Variants in VPS33A observed in about 807,000 individuals in gnomAD.
VPS33A encodes vacuolar protein sorting-associated protein 33A.
A neutral mutation model predicts 71.8 loss-of-function variants in VPS33A; 32 were observed. The observed-to-expected ratio is 0.45, with a 90% CI of 0.34 to 0.60. VPS33A has a LOEUF of 0.60. Among genes scored for constraint, VPS33A ranks in the 20% least tolerant of loss-of-function variants. The pLI is 0.02. For synonymous variants in VPS33A, 311 were observed against 292.7 expected (o/e 1.06, Z -0.64); for missense variants, 625 against 748.5 (o/e 0.84, Z 1.92).
intron 3 of VPS33A, among the ~76,000 whole-genome samples, chr12:122,261,819 G>A (rs960487231): frequency 2.6e-5 from 4 of 151,766 alleles, no homozygotes; most frequent in South Asian, 2.1e-4. Flanking sequence ...TGGCCAACAC[G>A]AAGAAACCAC....
At chr12:122,260,969 C>T (rs866547025) in intron 4 of VPS33A, among the ~76,000 whole-genome samples, 18 of 152,194 alleles carry the variant, frequency 1.2e-4, no homozygotes, top group Admixed American at 2.6e-4. Context: ...AGCGAGACTC[C>T]GTCTCAAAAA....
Position 122,238,685 on chromosome 12 carries a change from A to G in VPS33A, c.1204T>C (p.Ser402Pro). The part of the protein sequence containing the change: ...YIEDCIAQKH[S>P]LIKVLRLVCL... ...ACTAGTCTTAACACCTTGATCAACGAGTGCTTTTGGGCGATACAATCCTCA... is the reference window on the plus strand; with the variant it reads ...ACTAGTCTTAACACCTTGATCAACGGGTGCTTTTGGGCGATACAATCCTCA... Residue 402 changes from serine (S) to proline (P), a missense_variant, in exon 10 of 13, where the codon TCG becomes CCG. By Grantham distance (74) the Ser-to-Pro change is moderately conservative (BLOSUM62 -1). Coordinates refer to ENST00000267199, the MANE Select transcript of VPS33A (RefSeq NM_022916.6). The G allele has an allele frequency of 6.2e-7, 1 of 1,613,842 alleles. No homozygotes were observed. Among genetic ancestry groups the G allele is most frequent in the Non-Finnish European group, 8.5e-7 (1 of 1,179,980 alleles).
intron 4 of VPS33A, chr12:122,252,905 T>C (rs1202297545): frequency 2.0e-5 from 3 of 152,212 alleles, no homozygotes; most frequent in African/African-American, 7.2e-5. Flanking sequence ...TTTAGGTTTT[T>C]TTACAACCAT....
In VPS33A at chr12:122,263,579, C is replaced by T. The variant is rs143335526; in HGVS notation, c.289G>A (p.Val97Met). ...LELMDIIAENVLSEDRRGPTR... is the reference protein window; with the variant it reads ...LELMDIIAENMLSEDRRGPTR... Reference sequence around the variant, plus strand: ...ACACAAGCTCTGAGATACCTGAGCACGTTTTCAGCGATTATATCCATCAAC... The same window carrying T: ...ACACAAGCTCTGAGATACCTGAGCATGTTTTCAGCGATTATATCCATCAAC... Residue 97 changes from valine (V) to methionine (M), a missense_variant, in exon 3 of 13, where the codon GTG (valine) becomes ATG (methionine). Val to Met is a conservative substitution (Grantham distance 21, BLOSUM62 1). Coordinates refer to ENST00000267199, the MANE Select transcript of VPS33A (RefSeq NM_022916.6). The T allele has an allele frequency of 7.5e-6, 12 of 1,605,308 alleles. No individual in the cohort carries two copies. The highest frequency in any genetic ancestry group is 6.6e-5 in the South Asian group (6 of 90,262).
rs759350785 is a variant in VPS33A at position 122,266,441 on chromosome 12, A to G, written c.-33T>C. The G allele has an allele frequency of 6.3e-7, 1 of 1,593,244 alleles. No homozygotes were observed. Among genetic ancestry groups the G allele is most frequent in the Non-Finnish European group, 8.6e-7 (1 of 1,164,842 alleles). ...CACCACCCCCTGCCCCACAACGCCA[A>G]CCGAGTCCGCCGGTTCCTACGGGAG... On this transcript the variant is annotated 5_prime_UTR_variant, in exon 1 of 13. Transcript: ENST00000267199.
chr12:122,265,750 A>C (rs530919314), intron 1 of VPS33A: 6 of 452,592 alleles, frequency 1.3e-5, no homozygotes, highest in South Asian at 9.3e-5. Flanking sequence ...GAGAGGTGAC[A>C]CTGTTTAAAA....
In VPS33A at chr12:122,253,550, CAA is replaced by C. The variant is rs35143468; in HGVS notation, c.484-2453_484-2452del. 5.8e-4 allele frequency: 48 copies of C among 83,248 alleles called. No homozygotes were observed. The Middle Eastern group carries it at 0.026, about 46-fold the overall frequency. 5.2% of individuals were successfully genotyped at this position (83,248 alleles called of 1,614,324 possible). On this transcript the variant is annotated intron_variant, in intron 4 of 12. Coordinates refer to ENST00000267199, the MANE Select transcript of VPS33A (RefSeq NM_022916.6). ...CCGGGGCAACAGAGCAAGACTGTCTCAAAAAAAAAAAAAAAAAAGACATTAAG... is the reference window on the plus strand; with the variant it reads ...CCGGGGCAACAGAGCAAGACTGTCTCAAAAAAAAAAAAAAAAGACATTAAG...
chr12:122,245,271 T>A (rs1017506714), intron 6 of VPS33A, among the ~76,000 whole-genome samples: 12 of 152,254 alleles, frequency 7.9e-5, no homozygotes, highest in Non-Finnish European at 1.0e-4. Context: ...ATTTTTTTTT[T>A]AAATAAAACT....
At chr12:122,261,536 C>T (rs1954995505) in intron 3 of VPS33A, 89 bp from the exon 4 acceptor site, 1 of 1,222,416 alleles carries the variant, frequency 8.2e-7, no homozygotes, top group South Asian at 1.3e-5. Context: ...TGGCACATAG[C>T]AGGCACTAAA....
At chr12:122,258,704 G>A (rs905362207) in intron 4 of VPS33A, among the ~76,000 whole-genome samples, 4 of 151,992 alleles carry the variant, frequency 2.6e-5, no homozygotes, top group Admixed American at 2.6e-4. Flanking sequence ...TAACAGGCCA[G>A]GCATGGTGGC....
chr12:122,235,548 G>A lies in VPS33A; in HGVS notation c.1440+238C>T, dbSNP rs61954363. On this transcript the variant is annotated intron_variant, in intron 11 of 12. Coordinates refer to ENST00000267199, the MANE Select transcript of VPS33A (RefSeq NM_022916.6). ...CAAAGTGCTGGGATTATAGGTGTGAGCCACCGCGCCCAGCCCACATCTTTA... is the reference window on the plus strand; with the variant it reads ...CAAAGTGCTGGGATTATAGGTGTGAACCACCGCGCCCAGCCCACATCTTTA... 0.083 allele frequency among the ~76,000 whole-genome samples: 12,606 copies of A among 152,176 alleles called. 658 individuals carry two copies. Among genetic ancestry groups the A allele is most frequent in the African/African-American group, 0.15 (6,134 of 41,498 alleles).
chr12:122,265,672 C>T (rs757204549), intron 1 of VPS33A: 20 of 449,908 alleles, frequency 4.4e-5, no homozygotes, highest in Non-Finnish European at 8.6e-5. Context: ...CTGAGGCTCC[C>T]CAGTTCGACT....
chr12:122,261,670 A>T (rs1327037249), intron 3 of VPS33A, among the ~76,000 whole-genome samples: 2 of 151,832 alleles, frequency 1.3e-5, no homozygotes, highest in Non-Finnish European at 2.9e-5. Flanking sequence ...GGAGTTCGAG[A>T]CCAGTCTGGT....
At chr12:122,262,754 T>C (rs554350544) in intron 3 of VPS33A, among the ~76,000 whole-genome samples, 60 of 152,174 alleles carry the variant, frequency 3.9e-4, no homozygotes, top group African/African-American at 1.4e-3. Context: ...TTTGGCTATC[T>C]TGAAAGAATG....
In VPS33A at chr12:122,235,830, T is replaced by G; in HGVS notation, c.1396A>C (p.Ile466Leu). Reference sequence around the variant, plus strand: ...ATCCAGAGGCGTAATGTTTTCCGTATAGTTGGGTAATTGTTTCTGCCCCCC... The same window carrying G: ...ATCCAGAGGCGTAATGTTTTCCGTAGAGTTGGGTAATTGTTTCTGCCCCCC... ...QTGGRNNYPTIRKTLRLWMDD... is the reference protein window; with the variant it reads ...QTGGRNNYPTLRKTLRLWMDD... The change falls in exon 11 of 13, where the codon ATA becomes CTA. Residue 466 changes from isoleucine to leucine, a missense_variant. Ile to Leu is a conservative substitution (Grantham distance 5). Coordinates refer to ENST00000267199, the MANE Select transcript of VPS33A (RefSeq NM_022916.6). 2.5e-6 allele frequency: 4 copies of G among 1,613,904 alleles called. No homozygotes were observed. The highest frequency in any genetic ancestry group is 3.4e-6 in the Non-Finnish European group (4 of 1,179,950).
At position 122,232,249 on chromosome 12, in the gene VPS33A, G is replaced by A. The variant is rs773854209; in HGVS notation, c.1788C>T (p.Phe596=). 6.2e-7 allele frequency: 1 copy of A among 1,610,514 alleles called. No homozygotes were observed. Among genetic ancestry groups the A allele is most frequent in the Admixed American group, 1.7e-5 (1 of 59,216 alleles). The change falls in exon 13 of 13, where the codon TTC becomes TTT. Residue 596 remains phenylalanine (F), a synonymous_variant. Transcript: ENST00000267199. ...SWIEALMEKP[F] is the part of the protein sequence containing the mutation. ...TGTTAAGTCTCCTCTGAACATCCTA[G>A]AAAGGTTTTTCCATCAGAGCCTCTA... is the stretch of plus-strand genomic sequence containing the variant.
At position 122,238,770 on chromosome 12, in the gene VPS33A, T is replaced by C. The variant is rs78328135; in HGVS notation, c.1165-46A>G. 2,286 of 872,700 alleles carry C rather than the reference T, an allele frequency of 2.6e-3. 28 individuals are homozygous for C. In the East Asian group the frequency reaches 0.038, roughly 14 times the overall value. The allele number at this position is 872,700 out of a possible 1,614,324, so 54.1% of individuals were successfully genotyped here. A position where few individuals can be genotyped will look rare whatever the true frequency, so the allele number is the denominator to read the frequency against. ...ATATACATATACATTTACATATACA[T>C]ACACACACACACACACACACACACA... On this transcript the variant is annotated intron_variant, in intron 9 of 12. Coordinates refer to ENST00000267199, the MANE Select transcript of VPS33A (RefSeq NM_022916.6).
At chr12:122,265,054 C>G (rs1189856441) in intron 1 of VPS33A, among the ~76,000 whole-genome samples, 2 of 150,324 alleles carry the variant, frequency 1.3e-5, no homozygotes, top group African/African-American at 4.9e-5. Context: ...TCTGGAGTAA[C>G]TGGGACTACA....
Position 122,250,990 on chromosome 12 carries a change from C to T in VPS33A, c.593G>A (p.Cys198Tyr), listed in dbSNP as rs1232694816. The T allele has an allele frequency of 6.8e-6, 11 of 1,613,546 alleles. No homozygotes were observed. In the South Asian group the frequency reaches 1.1e-4, roughly 16 times the overall value. The change falls in exon 5 of 13, where the codon TGC becomes TAC. Residue 198 changes from cysteine (C) to tyrosine (Y), a missense_variant. Physicochemically the swap from Cys to Tyr is radical, Grantham distance 194 (BLOSUM62 -2). Coordinates refer to ENST00000267199, the MANE Select transcript of VPS33A (RefSeq NM_022916.6). The part of the protein sequence containing the change: ...TIPQIFGKGE[C>Y]ARQVANMMIR... ...AAAGCAGCCGGTTCTCACCCGAGCG[C>T]ATTCTCCTTTCCCAAAGATCTGGGG...
Sources: gnomAD v4.1 joint callset for allele counts (sites outside exome capture counted in the v4.1 genomes callset) on GRCh38, gnomAD v4.1.1 for gene constraint, MANE v1.5 for transcripts, NCBI Gene and HGNC (gene_info 2026-07-23, HGNC 2026-07-21) for gene names.